CDH13: variants seen among roughly 807,000 people sequenced by gnomAD.
CDH13 encodes cadherin-13.
Under a neutral mutation model 63.8 loss-of-function variants are expected in CDH13, and 24 were observed. That is an observed-to-expected ratio of 0.38 (90% CI 0.27 to 0.53). CDH13 has a LOEUF of 0.53. CDH13 is among the 20% of genes least tolerant of loss of function. The pLI, the probability that CDH13 is intolerant of heterozygous loss-of-function variation, is 0.85. For missense variants in CDH13, 1,049 were observed against 903.1 expected, an observed-to-expected ratio of 1.16 and a Z score of -2.07; for synonymous variants, 503 against 355.3, an observed-to-expected ratio of 1.42 and a Z score of -4.67.
chr16:83,212,920 G>A (rs932799520), intron 4 of CDH13, among the ~76,000 whole-genome samples: 13 of 152,176 alleles, frequency 8.5e-5, no homozygotes. Flanking sequence ...AGAAAGCAAG[G>A]CCCCTACTGG....
intron 2 of CDH13, among the ~76,000 whole-genome samples, chr16:82,961,293 C>T (rs117010271): frequency 0.019 from 2,850 of 152,228 alleles, 39 homozygotes; most frequent in Non-Finnish European, 0.028. Context: ...CCGTCATTTT[C>T]CCAGGTGCCC....
At chr16:83,189,816 C>T (rs1198021623) in intron 4 of CDH13, among the ~76,000 whole-genome samples, 1 of 152,180 alleles carries the variant, frequency 6.6e-6, no homozygotes, top group Non-Finnish European at 1.5e-5. Flanking sequence ...CCATAATCCC[C>T]ACACGTCACG....
chr16:82,912,663 G>A lies in CDH13; in HGVS notation c.157+54190G>A, dbSNP rs9931788. Among the ~76,000 whole-genome samples, 490 of 152,306 alleles carry A rather than the reference G, an allele frequency of 3.2e-3. 5 individuals are homozygous for A. Among genetic ancestry groups the A allele is most frequent in the African/African-American group, 0.011 (469 of 41,572 alleles). ...TTGCATTGAAAGAGAGTGGTGACTCGCCGGGCGCGGTGGCTCACGCCTGTA... is the reference window on the plus strand; with the variant it reads ...TTGCATTGAAAGAGAGTGGTGACTCACCGGGCGCGGTGGCTCACGCCTGTA... On this transcript the variant is annotated intron_variant, in intron 2 of 13. Coordinates refer to ENST00000567109, the MANE Select transcript of CDH13 (RefSeq NM_001257.5).
At chr16:83,432,491 G>C (rs565111545) in intron 6 of CDH13, among the ~76,000 whole-genome samples, 14 of 152,232 alleles carry the variant, frequency 9.2e-5, no homozygotes, top group African/African-American at 3.4e-4. Flanking sequence ...TGTTCTTCTG[G>C]GGCATGGAGA....
At chr16:83,446,254 G>T (rs1487256799) in intron 6 of CDH13, among the ~76,000 whole-genome samples, 8 of 146,156 alleles carry the variant, frequency 5.5e-5, no homozygotes, top group African/African-American at 7.7e-5. Context: ...GGTGAGCCGA[G>T]ATCATGCCAC....
chr16:82,898,099 C>T (rs1201278395), intron 2 of CDH13, among the ~76,000 whole-genome samples: 2 of 152,180 alleles, frequency 1.3e-5, no homozygotes, highest in East Asian at 3.8e-4. Flanking sequence ...TTTTTAAAAT[C>T]TCATGAATAG....
chr16:83,106,482 G>T (rs1032834695), intron 3 of CDH13, among the ~76,000 whole-genome samples: 1 of 152,168 alleles, frequency 6.6e-6, no homozygotes, highest in Non-Finnish European at 1.5e-5. Flanking sequence ...CAGAGGTTGC[G>T]GTGGGCCGAG....
chr16:83,356,616 C>T (rs2091062596), intron 6 of CDH13, among the ~76,000 whole-genome samples: 2 of 152,160 alleles, frequency 1.3e-5, no homozygotes, highest in South Asian at 4.1e-4. Context: ...CTTTGAATCA[C>T]TTCACCTTAA....
intron 8 of CDH13, among the ~76,000 whole-genome samples, chr16:83,654,204 G>C (rs1912657945): frequency 6.6e-6 from 1 of 151,986 alleles, no homozygotes; most frequent in South Asian, 2.1e-4. Flanking sequence ...CTTTCTATCA[G>C]GCTGGTGCAA....
At chr16:83,388,553 G>C (rs944175203) in intron 6 of CDH13, among the ~76,000 whole-genome samples, 1 of 152,168 alleles carries the variant, frequency 6.6e-6, no homozygotes, top group Non-Finnish European at 1.5e-5. Flanking sequence ...GCAGCTGCCT[G>C]TTTGGATCAT....
chr16:83,659,783 A>AC (rs1289882249), intron 8 of CDH13, among the ~76,000 whole-genome samples: 2 of 131,412 alleles, frequency 1.5e-5, no homozygotes, highest in South Asian at 5.0e-4. Flanking sequence ...GCAGTCCACA[A>AC]CCTTTTTTTT....
chr16:82,719,865 A>T (rs926400990), intron 1 of CDH13, among the ~76,000 whole-genome samples: 1 of 151,628 alleles, frequency 6.6e-6, no homozygotes, highest in African/African-American at 2.4e-5. Context: ...AAAAAAAAAA[A>T]AAGGTCTTAC....
chr16:83,531,192 A>T (rs1462995897), intron 7 of CDH13, among the ~76,000 whole-genome samples: 1 of 152,200 alleles, frequency 6.6e-6, no homozygotes, highest in Non-Finnish European at 1.5e-5. Context: ...GACTCAGGTG[A>T]TATCTGTAAT....
chr16:82,643,980 C>A (rs943778594), intron 1 of CDH13, among the ~76,000 whole-genome samples: 1 of 152,108 alleles, frequency 6.6e-6, no homozygotes, highest in South Asian at 2.1e-4. Flanking sequence ...GAACTCCTGG[C>A]TTCAAGTGAT....
At chr16:82,823,536 C>G (rs2038103119) in intron 1 of CDH13, 1 of 152,126 alleles carries the variant, frequency 6.6e-6, no homozygotes, top group African/African-American at 2.4e-5. Flanking sequence ...CTGGCATAAC[C>G]ACTTGATAGG....
chr16:83,124,827 G>T (rs560549048), intron 3 of CDH13, among the ~76,000 whole-genome samples: 1 of 152,244 alleles, frequency 6.6e-6, no homozygotes, highest in South Asian at 2.1e-4. Context: ...TTGAAGATCA[G>T]TTGGTTGTAG....
At position 82,795,296 on chromosome 16, in the gene CDH13, A is replaced by G. The variant is rs112324001; in HGVS notation, c.46-63066A>G. On this transcript the variant is annotated intron_variant, in intron 1 of 13. Transcript: ENST00000567109. Reference sequence around the variant, plus strand: ...GAAATCAAGGGTGCTGAGTAAACTCAGCCTCAGTGGACCACCTGTGTGAGT... The same window carrying G: ...GAAATCAAGGGTGCTGAGTAAACTCGGCCTCAGTGGACCACCTGTGTGAGT... 3.3e-3 allele frequency among the ~76,000 whole-genome samples: 507 copies of G among 152,318 alleles called. 1 individual carries two copies. The highest frequency in any genetic ancestry group is 5.4e-3 in the Non-Finnish European group (369 of 68,030).
At chr16:83,354,962 A>G (rs2091024653) in intron 6 of CDH13, among the ~76,000 whole-genome samples, 1 of 152,252 alleles carries the variant, frequency 6.6e-6, no homozygotes, top group African/African-American at 2.4e-5. Context: ...TGTATATTCC[A>G]CAGAGGCAAA....
At chr16:83,668,960 T>C (rs1914253590) in intron 8 of CDH13, among the ~76,000 whole-genome samples, 1 of 152,204 alleles carries the variant, frequency 6.6e-6, no homozygotes, top group African/African-American at 2.4e-5. Context: ...GGGTAGGTCA[T>C]GTCATTGACA....
Sources: allele counts gnomAD v4.1 joint callset (sites outside exome capture counted in the v4.1 genomes callset), GRCh38; gene constraint gnomAD v4.1.1; transcripts MANE v1.5; gene names NCBI Gene and HGNC (gene_info 2026-07-23, HGNC 2026-07-21).